Variants in DNAH3 observed in about 807,000 individuals in gnomAD.
The protein encoded by DNAH3 is axonemal beta dynein heavy chain 3.
A neutral mutation model predicts 432.5 loss-of-function variants in DNAH3; 332 were observed. The observed-to-expected ratio is 0.77, with a 90% CI of 0.70 to 0.84. The LOEUF (loss-of-function observed/expected upper bound fraction) is 0.84. DNAH3 is among the 40% of genes least tolerant of loss of function. The pLI is 0.00. For synonymous variants in DNAH3, 1,956 were observed against 1,900.2 expected (o/e 1.03, Z -0.76); for missense variants, 4,861 against 5,114.0 (o/e 0.95, Z 1.51).
intron 18 of DNAH3, among the ~76,000 whole-genome samples, chr16:21,091,881 T>C (rs2091546500): frequency 6.6e-6 from 1 of 152,088 alleles, no homozygotes; most frequent in Non-Finnish European, 1.5e-5. Context: ...AAAATTAAAT[T>C]TGTACTTGGG....
chr16:20,951,801 C>T (rs922081125), intron 56 of DNAH3, among the ~76,000 whole-genome samples: 2 of 138,508 alleles, frequency 1.4e-5, no homozygotes, highest in African/African-American at 5.5e-5. Flanking sequence ...AATGCAGTGG[C>T]GCAATTTCAG....
intron 18 of DNAH3, among the ~76,000 whole-genome samples, chr16:21,095,276 G>A (rs1317369186): frequency 6.6e-6 from 1 of 152,140 alleles, no homozygotes; most frequent in African/African-American, 2.4e-5. Flanking sequence ...AATATTTACA[G>A]CATCTCTATT....
intron 44 of DNAH3, among the ~76,000 whole-genome samples, chr16:20,989,821 G>A (rs971396777): frequency 3.9e-5 from 6 of 152,374 alleles, no homozygotes; most frequent in African/African-American, 1.4e-4. Flanking sequence ...GAGAAATCGA[G>A]CGCAGCACCG....
chr16:21,130,091 G>GAAAAAAAAA (rs58706051), intron 7 of DNAH3: 30 of 79,096 alleles, frequency 3.8e-4, no homozygotes, highest in East Asian at 1.4e-3. Context: ...CTAAATAAAT[G>GAAAAAAAAA]AAAAAAAAAA....
intron 52 of DNAH3, among the ~76,000 whole-genome samples, chr16:20,968,114 G>A (rs1485111499): frequency 3.3e-5 from 5 of 152,170 alleles, no homozygotes; most frequent in African/African-American, 9.7e-5. Context: ...TGTCATACAA[G>A]CTAAAGATCA....
At chr16:20,962,383 C>T (rs117851160) in intron 53 of DNAH3, among the ~76,000 whole-genome samples, 1,625 of 152,212 alleles carry the variant, frequency 0.011, 11 homozygotes, top group Middle Eastern at 0.027. Context: ...AGCTGTGGCC[C>T]GTGCATTGTG....
In DNAH3 at chr16:21,135,713, C is replaced by G. The variant is rs575595811; in HGVS notation, c.886+611G>C. ...CTGCACTTCAGCCTGGGCGACAGAG[C>G]AAGACTGTCTCAAAAAAGAAAAAAA... is the stretch of plus-strand genomic sequence containing the variant. On this transcript the variant is annotated intron_variant, in intron 6 of 61. Transcript: ENST00000261383. Among the ~76,000 whole-genome samples the G allele has an allele frequency of 1.6e-3, 247 of 150,976 alleles. 1 individual carries two copies. Among genetic ancestry groups the G allele is most frequent in the African/African-American group, 5.9e-3 (241 of 41,088 alleles).
exon 34 of DNAH3, chr16:21,037,822 A>C (rs773840987): frequency 6.2e-7 from 1 of 1,614,212 alleles, no homozygotes; most frequent in Admixed American, 1.7e-5. Context: ...CAATGCCCGG[A>C]GCAGCAGGAC....
chr16:21,115,257 G>A (rs559879733), intron 12 of DNAH3, among the ~76,000 whole-genome samples: 143 of 152,210 alleles, frequency 9.4e-4, no homozygotes, highest in African/African-American at 3.2e-3. Flanking sequence ...TTGGGGGATC[G>A]GGGAGGGATA....
intron 20 of DNAH3, among the ~76,000 whole-genome samples, chr16:21,078,239 C>T (rs1283753045): frequency 7.1e-6 from 1 of 140,774 alleles, no homozygotes; most frequent in Non-Finnish European, 1.5e-5. Flanking sequence ...CATGTCATTG[C>T]ACTCCAGTCT....
intron 31 of DNAH3, among the ~76,000 whole-genome samples, chr16:21,044,921 A>G (rs1017674816): frequency 6.3e-5 from 9 of 143,748 alleles, no homozygotes; most frequent in Non-Finnish European, 3.1e-5. Context: ...TTCTGCATCT[A>G]TTGAGATAAT....
chr16:20,968,790 C>T (rs1161430833), intron 52 of DNAH3, among the ~76,000 whole-genome samples: 1 of 151,924 alleles, frequency 6.6e-6, no homozygotes, highest in African/African-American at 2.4e-5. Context: ...CACCCCACCC[C>T]TCCCCCAACT....
chr16:20,981,481 C>A (rs1052830819), intron 49 of DNAH3, among the ~76,000 whole-genome samples: 1 of 152,166 alleles, frequency 6.6e-6, no homozygotes. Flanking sequence ...CGCCTGTAAT[C>A]CCAGCACTTT....
At chr16:20,955,146 A>G in intron 54 of DNAH3, 89 bp from the exon 55 acceptor site, 1 of 1,346,322 alleles carries the variant, frequency 7.4e-7, no homozygotes, top group Non-Finnish European at 1.0e-6. Flanking sequence ...ACAATAACAA[A>G]ACAGACCAGC....
At chr16:21,151,074 A>T (rs990176345) in intron 1 of DNAH3, among the ~76,000 whole-genome samples, 5 of 152,194 alleles carry the variant, frequency 3.3e-5, no homozygotes, top group African/African-American at 1.2e-4. Flanking sequence ...CGAAAAGCAC[A>T]GAGTATGGTG....
Position 21,132,295 on chromosome 16 carries a change from G to C in DNAH3, c.1082+1964C>G, listed in dbSNP as rs375889481. On this transcript the variant is annotated intron_variant, in intron 7 of 61. Coordinates refer to ENST00000261383, the Ensembl canonical transcript of DNAH3. ...GATCCTCCCAAAGCAAAATACATGA[G>C]CTACTAATAAGTTCGGCCAATCAAA... Among the ~76,000 whole-genome samples the C allele has an allele frequency of 3.8e-4, 58 of 152,282 alleles. 1 individual carries two copies. The East Asian group carries it at 5.4e-3, about 14-fold the overall frequency.
At chr16:21,052,220 A>G (rs1246942599) in intron 28 of DNAH3, among the ~76,000 whole-genome samples, 6 of 152,014 alleles carry the variant, frequency 3.9e-5, no homozygotes, top group Non-Finnish European at 8.8e-5. Flanking sequence ...TCCAACTTCT[A>G]ACCTCAAGTG....
chr16:21,111,760 C>T, exon 14 of DNAH3: 2 of 1,613,918 alleles, frequency 1.2e-6, no homozygotes, highest in Non-Finnish European at 1.7e-6. Flanking sequence ...CGGTGATGTT[C>T]ATGGATGCAA....
At chr16:21,057,185 G>A (rs2090164764) in intron 27 of DNAH3, among the ~76,000 whole-genome samples, 1 of 152,104 alleles carries the variant, frequency 6.6e-6, no homozygotes, top group Non-Finnish European at 1.5e-5. Context: ...AGGCAAGGAG[G>A]ATTGCTTGAG....
Sources: allele counts gnomAD v4.1 joint callset (sites outside exome capture counted in the v4.1 genomes callset), GRCh38; gene constraint gnomAD v4.1.1; transcripts MANE v1.5; gene names NCBI Gene and HGNC (gene_info 2026-07-23, HGNC 2026-07-21).